The following SEMA3E variants were observed in gnomAD, a reference collection of about 807,000 sequenced individuals.
SEMA3E encodes semaphorin-3E.
Under a neutral mutation model 93.6 loss-of-function variants are expected in SEMA3E, and 49 were observed. The observed-to-expected ratio is 0.52, with a 90% CI of 0.42 to 0.66. The LOEUF is 0.66. SEMA3E is among the 30% of genes least tolerant of loss of function. SEMA3E has a pLI of 0.00. For synonymous variants in SEMA3E, 363 were observed against 330.7 expected, an observed-to-expected ratio of 1.10 and a Z score of -1.06; for missense variants, 906 against 964.8, an observed-to-expected ratio of 0.94 and a Z score of 0.81.
chr7:83,421,730 TTCTG>T lies in SEMA3E; in HGVS notation c.457-3251_457-3248del, dbSNP rs551861387. 9.1e-5 allele frequency among the ~76,000 whole-genome samples: 13 copies of T among 142,174 alleles called. 2 individuals are homozygous for T. The highest frequency in any genetic ancestry group is 2.8e-4 in the Admixed American group (4 of 14,344). The allele number at this position is 142,174 out of a possible 152,430, so 93.3% of individuals were successfully genotyped here. A position where few individuals can be genotyped will look rare whatever the true frequency, so the allele number is the denominator to read the frequency against. On this transcript the variant is annotated intron_variant, in intron 4 of 16. Coordinates refer to ENST00000643230, the MANE Select transcript of SEMA3E (RefSeq NM_012431.3). ...TCATCTGATTTACCCACATTATCTG[TTCTG>T]TCTTTGTCTTGCTATTCTTATTTAG...
At chr7:83,382,706 G>C (rs1434835917) in intron 16 of SEMA3E, among the ~76,000 whole-genome samples, 1 of 151,374 alleles carries the variant, frequency 6.6e-6, no homozygotes, top group Non-Finnish European at 1.5e-5. Flanking sequence ...CAAGTCAAGG[G>C]AAAATGCTCC....
At chr7:83,436,858 G>A (rs551292525) in intron 4 of SEMA3E, among the ~76,000 whole-genome samples, 51 of 152,284 alleles carry the variant, frequency 3.3e-4, no homozygotes, top group African/African-American at 1.2e-3. Context: ...TGCTGCTGAT[G>A]AAGACATACC....
chr7:83,624,121 T>C (rs984558436), intron 1 of SEMA3E, among the ~76,000 whole-genome samples: 10 of 152,212 alleles, frequency 6.6e-5, no homozygotes, highest in African/African-American at 1.9e-4. Context: ...ATCCAGTCTC[T>C]CCATGATGGA....
intron 6 of SEMA3E, 76 bp from the exon 7 acceptor site, chr7:83,407,315 G>T: frequency 8.1e-7 from 1 of 1,232,482 alleles, no homozygotes; most frequent in Non-Finnish European, 1.2e-6. Flanking sequence ...CCAATAAATT[G>T]TATATCATCT....
chr7:83,531,941 A>C (rs1791309747), intron 1 of SEMA3E, among the ~76,000 whole-genome samples: 1 of 152,210 alleles, frequency 6.6e-6, no homozygotes, highest in African/African-American at 2.4e-5. Flanking sequence ...GCATTCAACT[A>C]TTCCATATGG....
At chr7:83,438,209 GAT>G (rs1789042858) in intron 4 of SEMA3E, among the ~76,000 whole-genome samples, 1 of 152,052 alleles carries the variant, frequency 6.6e-6, no homozygotes, top group South Asian at 2.1e-4. Context: ...AATTTAATGT[GAT>G]AGAAAATTCA....
chr7:83,431,754 C>T lies in SEMA3E; in HGVS notation c.457-13271G>A, dbSNP rs1382992221. The stretch of plus-strand genomic sequence containing the variant: ...GGTAATTTCCAAATGACGTTTTTGG[C>T]AATTGGTGTTAATAACTATCTATAA... On this transcript the variant is annotated intron_variant, in intron 4 of 16. Transcript: ENST00000643230. Among the ~76,000 whole-genome samples the T allele has an allele frequency of 3.3e-5, 5 of 152,148 alleles. No homozygotes were observed. The East Asian group carries it at 9.6e-4, about 29-fold the overall frequency.
intron 1 of SEMA3E, among the ~76,000 whole-genome samples, chr7:83,515,505 G>A (rs751478163): frequency 1.3e-5 from 2 of 152,070 alleles, no homozygotes; most frequent in Non-Finnish European, 2.9e-5. Flanking sequence ...GAGAGTATGA[G>A]ATATTCCTAA....
intron 4 of SEMA3E, chr7:83,462,303 T>A (rs1015979785): frequency 1.3e-5 from 2 of 152,252 alleles, no homozygotes; most frequent in African/African-American, 4.8e-5. Flanking sequence ...ATAACTGTTG[T>A]GGGTATTGAC....
intron 1 of SEMA3E, among the ~76,000 whole-genome samples, chr7:83,647,067 T>C (rs1794088230): frequency 6.6e-6 from 1 of 152,132 alleles, no homozygotes; most frequent in South Asian, 2.1e-4. Flanking sequence ...CATACCATGA[T>C]ACATCTTCCC....
At chr7:83,535,830 A>C (rs1164147315) in intron 1 of SEMA3E, among the ~76,000 whole-genome samples, 1 of 152,260 alleles carries the variant, frequency 6.6e-6, no homozygotes, top group South Asian at 2.1e-4. Flanking sequence ...CAGTGGGAAA[A>C]ATTTCAAACC....
intron 1 of SEMA3E, among the ~76,000 whole-genome samples, chr7:83,563,958 A>G (rs1280277609): frequency 6.6e-6 from 1 of 152,204 alleles, no homozygotes; most frequent in Admixed American, 6.5e-5. Context: ...CATTTCAACT[A>G]AATTGACCAT....
chr7:83,424,892 G>A, intron 4 of SEMA3E: 1 of 277,454 alleles, frequency 3.6e-6, no homozygotes, highest in Non-Finnish European at 7.3e-6. Context: ...CTACAGAGAT[G>A]CCTACTCAGG....
intron 2 of SEMA3E, among the ~76,000 whole-genome samples, chr7:83,476,632 GA>G (rs1423757285): frequency 6.6e-6 from 1 of 152,168 alleles, no homozygotes; most frequent in Non-Finnish European, 1.5e-5. Flanking sequence ...GACCTCACTG[GA>G]AATGGAAAGT....
chr7:83,535,642 C>T (rs1192216854), intron 1 of SEMA3E, among the ~76,000 whole-genome samples: 2 of 151,958 alleles, frequency 1.3e-5, no homozygotes, highest in African/African-American at 4.8e-5. Flanking sequence ...CATGTTTATA[C>T]CTTTTTATAA....
At chr7:83,624,334 C>A (rs1389019467) in intron 1 of SEMA3E, among the ~76,000 whole-genome samples, 1 of 152,114 alleles carries the variant, frequency 6.6e-6, no homozygotes, top group African/African-American at 2.4e-5. Flanking sequence ...AATTTACACT[C>A]CAACCAACAG....
At chr7:83,515,904 G>A (rs1488440377) in intron 1 of SEMA3E, among the ~76,000 whole-genome samples, 1 of 152,172 alleles carries the variant, frequency 6.6e-6, no homozygotes, top group African/African-American at 2.4e-5. Context: ...GCGGGTGCCT[G>A]TAGTCCCAGC....
chr7:83,613,620 G>T (rs1421923225), intron 1 of SEMA3E, among the ~76,000 whole-genome samples: 2 of 151,982 alleles, frequency 1.3e-5, no homozygotes, highest in African/African-American at 4.8e-5. Context: ...AAGATTGTCA[G>T]TATTTTTGAT....
chr7:83,614,508 A>C (rs189983555), intron 1 of SEMA3E, among the ~76,000 whole-genome samples: 145 of 152,260 alleles, frequency 9.5e-4, no homozygotes, highest in African/African-American at 3.2e-3. Flanking sequence ...CTTCACAAAT[A>C]AGTGTGTTGC....
Sources: allele counts gnomAD v4.1 joint callset (sites outside exome capture counted in the v4.1 genomes callset), GRCh38; gene constraint gnomAD v4.1.1; transcripts MANE v1.5; gene names NCBI Gene and HGNC (gene_info 2026-07-23, HGNC 2026-07-21).